LRRC61: variants seen among roughly 807,000 people sequenced by gnomAD.
LRRC61 encodes leucine rich repeat containing 61, also known as leucine-rich repeat-containing protein 61.
A neutral mutation model predicts 15.1 loss-of-function variants in LRRC61; 9 were observed. The observed-to-expected ratio is 0.60, with a 90% CI of 0.36 to 1.04. The LOEUF (loss-of-function observed/expected upper bound fraction) is 1.04, where lower values mean the gene tolerates loss of function less well. Ranked by LOEUF, LRRC61 falls within the 50% of genes least tolerant of loss-of-function variation. The probability of loss-of-function intolerance (pLI) is 0.01; values close to 1 mark genes in which losing one functional copy is unlikely to be tolerated. For missense variants in LRRC61, 344 were observed against 335.6 expected (o/e 1.03, Z -0.20); for synonymous variants, 173 against 158.6 (o/e 1.09, Z -0.68).
Position 150,323,563 on chromosome 7 carries a change from A to C in LRRC61, c.-315+3A>C. On this transcript the variant is annotated splice_donor_region_variant and intron_variant, in intron 1 of 2. Transcript: ENST00000359623. ...AGGCTGCCGGCTCCACCCCTCAGGTAAGCGGGGACTGGGCCGCCGAGGTTC... is the reference window on the plus strand; with the variant it reads ...AGGCTGCCGGCTCCACCCCTCAGGTCAGCGGGGACTGGGCCGCCGAGGTTC... The C allele has an allele frequency of 2.3e-6, 1 of 443,960 alleles. No homozygotes were observed. Among genetic ancestry groups the C allele is most frequent in the Non-Finnish European group, 4.5e-6 (1 of 222,080 alleles). 27.5% of individuals were successfully genotyped at this position (443,960 alleles called of 1,614,324 possible). A position where few individuals can be genotyped will look rare whatever the true frequency, so the allele number is the denominator to read the frequency against.
Position 150,337,532 on chromosome 7 carries a change from A to G in LRRC61, c.671A>G (p.Gln224Arg). Residue 224 changes from glutamine to arginine, a missense_variant, in exon 3 of 3, where the codon CAG (glutamine) becomes CGG (arginine). Transcript: ENST00000359623. ...CTGGAGGAGGCCTGCCGGCAGTTCC[A>G]GGACACACTGCAGGAGTGCTGGGAC... ...SILEEACRQF[Q>R]DTLQECWDLD... The G allele has an allele frequency of 1.9e-6, 3 of 1,604,612 alleles. No homozygotes were observed. The highest frequency in any genetic ancestry group is 2.2e-5 in the South Asian group (2 of 90,946).
At position 150,337,313 on chromosome 7, in the gene LRRC61, G is replaced by A. The variant is rs765026130; in HGVS notation, c.452G>A (p.Arg151Gln). The change falls in exon 3 of 3, where the codon CGG becomes CAG. Residue 151 changes from arginine (R) to glutamine (Q), a missense_variant. Transcript: ENST00000359623. ...AACCCCTCCTACTGGGCTGCAGTCC[G>A]GGAGCTGCTGCCTGGCCTGAAAGTC... The part of the protein sequence containing the change: ...CANPSYWAAV[R>Q]ELLPGLKVID... 1.6e-5 allele frequency: 26 copies of A among 1,603,600 alleles called. No individual in the cohort carries two copies. Among genetic ancestry groups the A allele is most frequent in the Non-Finnish European group, 1.8e-5 (21 of 1,179,908 alleles).
chr7:150,321,727 G>A (rs1797533642), upstream of LRRC61, among the ~76,000 whole-genome samples: 1 of 152,170 alleles, frequency 6.6e-6, no homozygotes, highest in Admixed American at 6.5e-5. Flanking sequence ...GCAAGAGAGT[G>A]AGACTCCATC....
intron 2 of LRRC61, among the ~76,000 whole-genome samples, chr7:150,327,819 CAAAAA>C (rs58721598): frequency 7.3e-6 from 1 of 136,912 alleles, no homozygotes; most frequent in South Asian, 2.4e-4. Context: ...GACCTTGTCT[CAAAAA>C]AAAAAAAAAA....
At chr7:150,332,506 A>C (rs1225770540) in intron 2 of LRRC61, 1 of 167,080 alleles carries the variant, frequency 6.0e-6, no homozygotes, top group Admixed American at 6.5e-5. Flanking sequence ...CCTGTGTTTC[A>C]CTGTGACCAA....
Position 150,337,710 on chromosome 7 carries a change from C to T in LRRC61, c.*69C>T. 6.8e-7 allele frequency: 1 copy of T among 1,460,362 alleles called. No individual in the cohort carries two copies. The allele number at this position is 1,460,362 out of a possible 1,614,324, so 90.5% of individuals were successfully genotyped here. On this transcript the variant is annotated 3_prime_UTR_variant, in exon 3 of 3. Transcript: ENST00000359623. The stretch of plus-strand genomic sequence containing the variant: ...CCCCCAGTTCCCCTCTCTGCCCCCA[C>T]ACTCGTCTTAGTTGCTTCACACTGG...
chr7:150,337,406 C>A lies in LRRC61; in HGVS notation c.545C>A (p.Ser182Tyr), dbSNP rs1338724301. Reference protein sequence around the residue: ...FYQLCRDLDSSLRPSSSPGPR... With the variant: ...FYQLCRDLDSYLRPSSSPGPR... ...CAGCTGTGCCGAGACCTGGACAGCT[C>A]CTTGCGTCCCAGCTCCAGTCCAGGC... The change falls in exon 3 of 3, where the codon TCC becomes TAC. Residue 182 changes from serine (S) to tyrosine (Y), a missense_variant. Coordinates refer to ENST00000359623, the MANE Select transcript of LRRC61 (RefSeq NM_001142928.2). 1 of 1,605,686 alleles carries A rather than the reference C, an allele frequency of 6.2e-7. No individual in the cohort carries two copies. Among genetic ancestry groups the A allele is most frequent in the Non-Finnish European group, 8.5e-7 (1 of 1,179,928 alleles).
At chr7:150,327,487 G>C (rs1797986141) in intron 2 of LRRC61, among the ~76,000 whole-genome samples, 1 of 152,078 alleles carries the variant, frequency 6.6e-6, no homozygotes, top group Admixed American at 6.5e-5. Context: ...ACATTCATCT[G>C]TCTCCTTTTA....
chr7:150,315,494 GGAA>G, the LRRC61 span, among the ~76,000 whole-genome samples: 1 of 152,108 alleles, frequency 6.6e-6, no homozygotes, highest in African/African-American at 2.4e-5. Context: ...TGCTCAGGAT[GGAA>G]GAAGTAAAAA....
Position 150,330,829 on chromosome 7 carries a change from T to C in LRRC61, c.-145+4819T>C. On this transcript the variant is annotated intron_variant, in intron 2 of 2. Coordinates refer to ENST00000359623, the MANE Select transcript of LRRC61 (RefSeq NM_001142928.2). This position sits in a 1 kb window ranked among gnomAD's most constrained non-coding sequence, Gnocchi z 4.6. ...ACCAGGGTAGCCAAGAGCTCCGGGG[T>C]GGAGGGGAGAAGCCAGGGGGAGCCT... The C allele has an allele frequency of 6.2e-7, 1 of 1,606,762 alleles. No homozygotes were observed.
At chr7:150,312,666 T>C in the LRRC61 span, among the ~76,000 whole-genome samples, 1 of 152,234 alleles carries the variant, frequency 6.6e-6, no homozygotes. Flanking sequence ...TAACTCATTA[T>C]AAAATTTTCT....
At position 150,335,204 on chromosome 7, in the gene LRRC61, C is replaced by T. The variant is rs981393335; in HGVS notation, c.-144-1514C>T. ...TCTAGTGCCTGGTGCTCCTCCTGCACCCCCCACGTTAGGGGCCAGAGCAGC... is the reference window on the plus strand; with the variant it reads ...TCTAGTGCCTGGTGCTCCTCCTGCATCCCCCACGTTAGGGGCCAGAGCAGC... On this transcript the variant is annotated intron_variant, in intron 2 of 2. Coordinates refer to ENST00000359623, the MANE Select transcript of LRRC61 (RefSeq NM_001142928.2). This position sits in a 1 kb window ranked among gnomAD's most constrained non-coding sequence, Gnocchi z 4.3. Among the ~76,000 whole-genome samples the T allele has an allele frequency of 6.6e-6, 1 of 152,154 alleles. No individual in the cohort carries two copies. The highest frequency in any genetic ancestry group is 1.5e-5 in the Non-Finnish European group (1 of 68,020).
rs1451049792 is a variant in LRRC61, at chr7:150,337,263, C to T, written c.402C>T (p.Ala134=). 1.9e-6 allele frequency: 3 copies of T among 1,603,634 alleles called. No homozygotes were observed. The highest frequency in any genetic ancestry group is 8.5e-7 in the Non-Finnish European group (1 of 1,179,910). The change falls in exon 3 of 3, where the codon GCC becomes GCT. Residue 134 remains alanine (A), a synonymous_variant. Coordinates refer to ENST00000359623, the MANE Select transcript of LRRC61 (RefSeq NM_001142928.2). ...ACCTGCGGCTCCGAGACCCTTTGGC[C>T]CGGCTCAGCAACCCGCTCTGTGCCA... is the stretch of plus-strand genomic sequence containing the variant. ...LEYLRLRDPL[A]RLSNPLCANP...
chr7:150,314,766 C>T, the LRRC61 span, among the ~76,000 whole-genome samples: 1 of 144,650 alleles, frequency 6.9e-6, no homozygotes, highest in Non-Finnish European at 1.5e-5. Context: ...AAAATCCCAT[C>T]TCTCCAAAAA....
Position 150,336,979 on chromosome 7 carries a change from G to A in LRRC61, c.118G>A (p.Gly40Ser). Reference protein sequence around the residue: ...LESILLLKLRGLGLADLGCLG... With the variant: ...LESILLLKLRSLGLADLGCLG... The stretch of plus-strand genomic sequence containing the variant: ...GTCCATCCTGCTACTGAAGCTGCGT[G>A]GCTTGGGACTGGCTGACCTGGGCTG... Residue 40 changes from glycine to serine, a missense_variant, in exon 3 of 3, where the codon GGC becomes AGC. Coordinates refer to ENST00000359623, the MANE Select transcript of LRRC61 (RefSeq NM_001142928.2). 1 of 1,613,986 alleles carries A rather than the reference G, an allele frequency of 6.2e-7. No individual in the cohort carries two copies. The highest frequency in any genetic ancestry group is 8.5e-7 in the Non-Finnish European group (1 of 1,180,040).
the LRRC61 span, among the ~76,000 whole-genome samples, chr7:150,310,317 C>T: frequency 6.6e-6 from 1 of 152,100 alleles, no homozygotes; most frequent in Admixed American, 6.5e-5. Flanking sequence ...ACCTAATCAC[C>T]CTTACCCTGC....
At position 150,325,878 on chromosome 7, in the gene LRRC61, G is replaced by C. The variant is rs1282065550; in HGVS notation, c.-277G>C. 2 of 152,684 alleles carry C rather than the reference G, an allele frequency of 1.3e-5. No individual in the cohort carries two copies. The highest frequency in any genetic ancestry group is 1.3e-4 in the Admixed American group (2 of 15,288). The allele number at this position is 152,684 out of a possible 1,614,324, so 9.5% of individuals were successfully genotyped here. A position where few individuals can be genotyped will look rare whatever the true frequency, so the allele number is the denominator to read the frequency against. On this transcript the variant is annotated 5_prime_UTR_variant, in exon 2 of 3. Transcript: ENST00000359623. ...TCAAGGTTGGCTCTCAACAGTGCCA[G>C]CTGCACTGTCATCCTAAAGTACTTC...
chr7:150,329,145 T>C (rs527507740), intron 2 of LRRC61, among the ~76,000 whole-genome samples: 7 of 152,322 alleles, frequency 4.6e-5, no homozygotes, highest in African/African-American at 1.7e-4. Flanking sequence ...GGTAGTTCAA[T>C]AGGCTGGGTC....
chr7:150,311,792 T>C, the LRRC61 span, among the ~76,000 whole-genome samples: 30 of 152,240 alleles, frequency 2.0e-4, no homozygotes, highest in Admixed American at 5.2e-4. Context: ...TCAAGGCTGC[T>C]GCACTTCCTC....
Sources: gnomAD v4.1 joint callset for allele counts (sites outside exome capture counted in the v4.1 genomes callset) on GRCh38, gnomAD v4.1.1 for gene constraint, Gnocchi (gnomAD v3.1) non-coding constraint, MANE v1.5 for transcripts, NCBI Gene and HGNC (gene_info 2026-07-23, HGNC 2026-07-21) for gene names.